Variants in RANBP17 observed in about 807,000 individuals in gnomAD.
RANBP17 encodes the protein ran-binding protein 17.
A neutral mutation model predicts 141.2 loss-of-function variants in RANBP17; 158 were observed. That is an observed-to-expected ratio of 1.12 (90% confidence interval 0.98 to 1.28). RANBP17 has a LOEUF of 1.28. RANBP17 is among the 50% of genes most tolerant of loss of function. The pLI is 0.00. For synonymous variants in RANBP17, 430 were observed against 450.0 expected (o/e 0.96, Z 0.56); for missense variants, 1,438 against 1,290.7 (o/e 1.11, Z -1.75).
At chr5:170,928,375 C>G (rs1457827563) in intron 12 of RANBP17, among the ~76,000 whole-genome samples, 1 of 151,802 alleles carries the variant, frequency 6.6e-6, no homozygotes, top group Admixed American at 6.6e-5. Flanking sequence ...TCACTTTTTT[C>G]TTTATGGCTT....
chr5:171,219,372 G>A (rs1032965765), intron 21 of RANBP17, among the ~76,000 whole-genome samples: 2 of 152,078 alleles, frequency 1.3e-5, no homozygotes, highest in Non-Finnish European at 2.9e-5. Flanking sequence ...ATGTGTCTCA[G>A]GTTGCTCTTC....
At chr5:170,883,570 C>T (rs964884927) in intron 3 of RANBP17, among the ~76,000 whole-genome samples, 4 of 152,164 alleles carry the variant, frequency 2.6e-5, no homozygotes, top group Admixed American at 6.5e-5. Context: ...AATAGTTTTA[C>T]TGCACTAAAA....
At chr5:171,151,979 G>A (rs1758519878) in intron 14 of RANBP17, among the ~76,000 whole-genome samples, 1 of 151,948 alleles carries the variant, frequency 6.6e-6, no homozygotes, top group Admixed American at 6.6e-5. Context: ...GAGGGCGGAG[G>A]GCAGTTTCAA....
At chr5:171,152,815 A>G (rs769082286) in intron 14 of RANBP17, among the ~76,000 whole-genome samples, 2 of 152,220 alleles carry the variant, frequency 1.3e-5, no homozygotes, top group Admixed American at 6.5e-5. Flanking sequence ...TAAACCTTCT[A>G]TGTGCATTAT....
At chr5:170,998,782 AT>A (rs890974878) in intron 14 of RANBP17, among the ~76,000 whole-genome samples, 1 of 152,136 alleles carries the variant, frequency 6.6e-6, no homozygotes, top group Non-Finnish European at 1.5e-5. Context: ...TAGGGCTGTG[AT>A]TTTTAATTTG....
At chr5:170,990,774 T>C (rs938645052) in intron 14 of RANBP17, among the ~76,000 whole-genome samples, 3 of 151,898 alleles carry the variant, frequency 2.0e-5, no homozygotes, top group African/African-American at 7.2e-5. Context: ...GAAATTGATA[T>C]AAAGTAGATC....
chr5:171,106,949 A>C (rs546890319), intron 14 of RANBP17, among the ~76,000 whole-genome samples: 1 of 152,300 alleles, frequency 6.6e-6, no homozygotes, highest in East Asian at 1.9e-4. Flanking sequence ...AGCCATCAAA[A>C]GATACTCATA....
chr5:171,171,352 G>T, intron 16 of RANBP17, 66 bp downstream of exon 16: 2 of 858,726 alleles, frequency 2.3e-6, no homozygotes. Context: ...TAATTAACCA[G>T]GTATTCTCCT....
chr5:171,135,939 G>A (rs992888201), intron 14 of RANBP17, among the ~76,000 whole-genome samples: 7 of 152,124 alleles, frequency 4.6e-5, no homozygotes, highest in Non-Finnish European at 1.5e-5. Flanking sequence ...GCTTTATCAA[G>A]TTTAAAGAAT....
At chr5:171,209,040 CT>C (rs1762730374) in intron 20 of RANBP17, among the ~76,000 whole-genome samples, 1 of 152,102 alleles carries the variant, frequency 6.6e-6, no homozygotes, top group African/African-American at 2.4e-5. Context: ...ACATAAATTA[CT>C]ATAATCAAAT....
intron 14 of RANBP17, among the ~76,000 whole-genome samples, chr5:170,972,537 T>C (rs542978180): frequency 2.0e-5 from 3 of 152,234 alleles, no homozygotes; most frequent in Non-Finnish European, 4.4e-5. Flanking sequence ...ATGACACATA[T>C]AGTTCTAATT....
chr5:170,896,619 C>T (rs989331783), intron 5 of RANBP17, among the ~76,000 whole-genome samples: 1 of 152,074 alleles, frequency 6.6e-6, no homozygotes, highest in East Asian at 1.9e-4. Flanking sequence ...CACCTGAGGT[C>T]AGGAATTCGA....
chr5:170,883,343 C>T (rs1335764654), intron 3 of RANBP17, among the ~76,000 whole-genome samples: 4 of 152,102 alleles, frequency 2.6e-5, no homozygotes, highest in Admixed American at 6.5e-5. Context: ...AGAGGACTTC[C>T]GTATAGTCCC....
At chr5:171,003,056 G>T (rs939793813) in intron 14 of RANBP17, among the ~76,000 whole-genome samples, 2 of 152,212 alleles carry the variant, frequency 1.3e-5, no homozygotes, top group African/African-American at 4.8e-5. Context: ...AGCATAGTTT[G>T]TGATTTTGAG....
chr5:171,043,998 A>T (rs546445048), intron 14 of RANBP17, among the ~76,000 whole-genome samples: 1 of 152,272 alleles, frequency 6.6e-6, no homozygotes, highest in Admixed American at 6.6e-5. Context: ...TAAAATCCTT[A>T]CATTTAAAAT....
At chr5:171,031,129 G>A (rs1328807368) in intron 14 of RANBP17, among the ~76,000 whole-genome samples, 3 of 151,494 alleles carry the variant, frequency 2.0e-5, no homozygotes, top group Non-Finnish European at 3.0e-5. Context: ...AAACATTAGA[G>A]CAGGATGAGC....
chr5:170,997,717 A>G lies in RANBP17; in HGVS notation c.1710+29340A>G, dbSNP rs563814454. Among the ~76,000 whole-genome samples, 4 of 152,304 alleles carry G rather than the reference A, an allele frequency of 2.6e-5. No individual in the cohort carries two copies. In the East Asian group the frequency reaches 5.8e-4, roughly 22 times the overall value. ...CAGACTCACATCTATCATTAGGGAA[A>G]TTCTGAAATCACTTGAGAAAAAAGT... On this transcript the variant is annotated intron_variant, in intron 14 of 27. Coordinates refer to ENST00000523189, the MANE Select transcript of RANBP17 (RefSeq NM_022897.5).
At chr5:170,881,753 T>A in intron 2 of RANBP17, 53 bp from the exon 3 acceptor site, 1 of 1,268,906 alleles carries the variant, frequency 7.9e-7, no homozygotes. Flanking sequence ...TCTATCACAA[T>A]GCTTTATTTT....
intron 20 of RANBP17, among the ~76,000 whole-genome samples, chr5:171,210,433 G>A (rs191343521): frequency 2.0e-4 from 30 of 152,210 alleles, no homozygotes; most frequent in African/African-American, 7.2e-4. Flanking sequence ...TGAATACTGT[G>A]TGCTCTGAAA....
Sources: allele counts gnomAD v4.1 joint callset (sites outside exome capture counted in the v4.1 genomes callset), GRCh38; gene constraint gnomAD v4.1.1; transcripts MANE v1.5; gene names NCBI Gene and HGNC (gene_info 2026-07-23, HGNC 2026-07-21).